The following ST6GALNAC3 variants were observed in gnomAD, a reference collection of about 807,000 sequenced individuals.
ST6GALNAC3 encodes the protein ST6 N-acetylgalactosaminide alpha-2,6-sialyltransferase 3, also known as alpha-N-acetylgalactosaminide alpha-2,6-sialyltransferase 3.
A neutral mutation model predicts 32.7 loss-of-function variants in ST6GALNAC3; 25 were observed. The ratio of observed to expected loss-of-function variants is 0.76; its 90% CI spans 0.56 to 1.07. ST6GALNAC3 has a LOEUF of 1.07. ST6GALNAC3 is among the 50% of genes least tolerant of loss of function. ST6GALNAC3 has a pLI of 0.00. For missense variants in ST6GALNAC3, 355 were observed against 382.4 expected (o/e 0.93, Z 0.60); for synonymous variants, 129 against 133.1 (o/e 0.97, Z 0.21).
intron 1 of ST6GALNAC3, among the ~76,000 whole-genome samples, chr1:76,233,076 C>A (rs190937100): frequency 1.5e-4 from 23 of 152,302 alleles, no homozygotes; most frequent in African/African-American, 5.3e-4. Context: ...GGAAGAGAAT[C>A]TATTAAATAG....
intron 3 of ST6GALNAC3, among the ~76,000 whole-genome samples, chr1:76,615,199 A>T (rs1312835703): frequency 6.6e-6 from 1 of 152,142 alleles, no homozygotes; most frequent in Non-Finnish European, 1.5e-5. Flanking sequence ...GTTCATGAGG[A>T]ATGAAAGAAG....
chr1:76,371,952 C>A (rs1650859419), intron 2 of ST6GALNAC3, among the ~76,000 whole-genome samples: 2 of 152,110 alleles, frequency 1.3e-5, no homozygotes. Context: ...CAAATTGTCC[C>A]CAGTTCTTTG....
chr1:76,368,295 A>G (rs1208558243), intron 2 of ST6GALNAC3, among the ~76,000 whole-genome samples: 1 of 152,234 alleles, frequency 6.6e-6, no homozygotes, highest in Non-Finnish European at 1.5e-5. Flanking sequence ...GTCCCAGGCC[A>G]TAGTTTGCTG....
chr1:76,630,823 A>T lies in ST6GALNAC3; in HGVS notation c.*2017A>T, dbSNP rs2100739499. ...ATTCTATGAATGTTAAGTTTTTTTG[A>T]GCTAATGATAGATAGAAATGCCCAC... On this transcript the variant is annotated 3_prime_UTR_variant, in exon 5 of 5. Coordinates refer to ENST00000328299, the MANE Select transcript of ST6GALNAC3 (RefSeq NM_152996.4). 1.0e-6 allele frequency: 1 copy of T among 985,540 alleles called. No homozygotes were observed. Among genetic ancestry groups the T allele is most frequent in the East Asian group, 1.1e-4 (1 of 8,800 alleles). The allele number at this position is 985,540 out of a possible 1,614,324, so 61.0% of individuals were successfully genotyped here. A position where few individuals can be genotyped will look rare whatever the true frequency, so the allele number is the denominator to read the frequency against.
In ST6GALNAC3 at chr1:76,236,403, A is replaced by T. The variant is rs533681568; in HGVS notation, c.19-77402A>T. ...CCTCACATGGTTTGGTGTGGATTAAATGAGTACAAAAATTGCTATGTGAGG... is the reference window on the plus strand; with the variant it reads ...CCTCACATGGTTTGGTGTGGATTAATTGAGTACAAAAATTGCTATGTGAGG... On this transcript the variant is annotated intron_variant, in intron 1 of 4. Coordinates refer to ENST00000328299, the MANE Select transcript of ST6GALNAC3 (RefSeq NM_152996.4). Among the ~76,000 whole-genome samples the T allele has an allele frequency of 1.1e-4, 17 of 152,338 alleles. No homozygotes were observed. The South Asian group carries it at 3.5e-3, about 32-fold the overall frequency.
At chr1:76,285,518 A>C (rs1466079845) in intron 1 of ST6GALNAC3, among the ~76,000 whole-genome samples, 1 of 152,216 alleles carries the variant, frequency 6.6e-6, no homozygotes, top group African/African-American at 2.4e-5. Flanking sequence ...TTTTAAAATC[A>C]AGAATAAAAA....
At chr1:76,292,981 A>G (rs771494595) in intron 1 of ST6GALNAC3, among the ~76,000 whole-genome samples, 16 of 152,042 alleles carry the variant, frequency 1.1e-4, no homozygotes, top group Middle Eastern at 3.4e-3. Context: ...AGGCTTAATC[A>G]CTCCTCAAGT....
At chr1:76,156,232 A>G (rs1433602763) in intron 1 of ST6GALNAC3, among the ~76,000 whole-genome samples, 2 of 152,100 alleles carry the variant, frequency 1.3e-5, no homozygotes, top group African/African-American at 2.4e-5. Flanking sequence ...TAGATGTTGA[A>G]CGTCATCACC....
At chr1:76,568,604 C>T (rs1157567401) in intron 3 of ST6GALNAC3, among the ~76,000 whole-genome samples, 1 of 152,188 alleles carries the variant, frequency 6.6e-6, no homozygotes, top group Non-Finnish European at 1.5e-5. Context: ...CAACCATTCT[C>T]CACGTACATG....
intron 2 of ST6GALNAC3, among the ~76,000 whole-genome samples, chr1:76,390,213 G>C (rs1477750801): frequency 1.3e-5 from 2 of 151,846 alleles, no homozygotes; most frequent in East Asian, 3.9e-4. Context: ...TTCTTAATTG[G>C]GTATGCATGA....
chr1:76,201,650 T>A (rs1654524849), intron 1 of ST6GALNAC3, among the ~76,000 whole-genome samples: 1 of 150,034 alleles, frequency 6.7e-6, no homozygotes, highest in Non-Finnish European at 1.5e-5. Context: ...GAGAAAAAAC[T>A]GTTAAAAAAA....
intron 3 of ST6GALNAC3, among the ~76,000 whole-genome samples, chr1:76,485,567 T>C (rs989679858): frequency 4.6e-5 from 7 of 152,264 alleles, no homozygotes; most frequent in African/African-American, 1.7e-4. Context: ...TCAGTGGTGA[T>C]ATCCCCTTTA....
At chr1:76,326,253 A>G (rs1647067454) in intron 2 of ST6GALNAC3, among the ~76,000 whole-genome samples, 1 of 152,154 alleles carries the variant, frequency 6.6e-6, no homozygotes, top group Non-Finnish European at 1.5e-5. Flanking sequence ...TCAATCTTGA[A>G]AGCACATTGC....
chr1:76,450,621 G>A (rs1389934811), intron 3 of ST6GALNAC3, among the ~76,000 whole-genome samples: 1 of 152,148 alleles, frequency 6.6e-6, no homozygotes, highest in Non-Finnish European at 1.5e-5. Context: ...TGGTCATGAA[G>A]TCTGCCTAAG....
chr1:76,156,786 C>T (rs889136362), intron 1 of ST6GALNAC3, among the ~76,000 whole-genome samples: 10 of 152,194 alleles, frequency 6.6e-5, no homozygotes, highest in African/African-American at 2.2e-4. Context: ...GGCTGGAGTA[C>T]AGTGGCGCGA....
chr1:76,277,813 C>T (rs1343883310), intron 1 of ST6GALNAC3, among the ~76,000 whole-genome samples: 2 of 151,886 alleles, frequency 1.3e-5, no homozygotes, highest in South Asian at 2.1e-4. Context: ...TCCCCATATG[C>T]CTGGATTTAT....
At chr1:76,529,498 A>G (rs1663119395) in intron 3 of ST6GALNAC3, among the ~76,000 whole-genome samples, 1 of 152,160 alleles carries the variant, frequency 6.6e-6, no homozygotes, top group South Asian at 2.1e-4. Context: ...TTTCAGAAAA[A>G]TGGATGTACA....
At chr1:76,193,146 T>A (rs11162100) in intron 1 of ST6GALNAC3, among the ~76,000 whole-genome samples, 1 of 151,958 alleles carries the variant, frequency 6.6e-6, no homozygotes, top group Admixed American at 6.6e-5. Flanking sequence ...AGTAGATTCT[T>A]CTACCCTGTG....
At chr1:76,353,627 G>T in intron 2 of ST6GALNAC3, 2 of 155,848 alleles carry the variant, frequency 1.3e-5, no homozygotes, top group South Asian at 3.8e-4. Flanking sequence ...AGGCCTGTAT[G>T]GTCAGGTTCA....
Sources: allele counts gnomAD v4.1 joint callset (sites outside exome capture counted in the v4.1 genomes callset), GRCh38; gene constraint gnomAD v4.1.1; transcripts MANE v1.5; gene names NCBI Gene and HGNC (gene_info 2026-07-23, HGNC 2026-07-21).